The following LRRC4C variants were observed in gnomAD, a reference collection of about 807,000 sequenced individuals.
LRRC4C encodes the protein leucine rich repeat containing 4C.
LRRC4C carries 5 observed loss-of-function variants against 33.6 expected under a neutral mutation model. The ratio of observed to expected loss-of-function variants is 0.15; its 90% confidence interval spans 0.08 to 0.31. The LOEUF (loss-of-function observed/expected upper bound fraction) is 0.31. Among genes scored for constraint, LRRC4C ranks in the 10% least tolerant of loss-of-function variants. LRRC4C has a pLI of 1.00. For synonymous variants in LRRC4C, 329 were observed against 302.0 expected, an observed-to-expected ratio of 1.09 and a Z score of -0.93; for missense variants, 560 against 796.7, an observed-to-expected ratio of 0.70 and a Z score of 3.58.
At chr11:40,740,265 T>C (rs1948094019) in intron 2 of LRRC4C, among the ~76,000 whole-genome samples, 1 of 152,022 alleles carries the variant, frequency 6.6e-6, no homozygotes, top group Non-Finnish European at 1.5e-5. Flanking sequence ...GTTTTAGCAA[T>C]TTACAGTCCC....
At chr11:40,891,405 A>G (rs1955701644) in intron 2 of LRRC4C, among the ~76,000 whole-genome samples, 1 of 152,170 alleles carries the variant, frequency 6.6e-6, no homozygotes, top group African/African-American at 2.4e-5. Context: ...ACCCAAAGCA[A>G]TCTACAAATT....
rs1191132606 is a variant in LRRC4C, at chr11:40,936,015, TA to T, written c.-495-2293del. ...AAACTACTAAAAAGATGCCAAATTTTATATATATATATATATATATATATAT... is the reference window on the plus strand; with the variant it reads ...AAACTACTAAAAAGATGCCAAATTTTTATATATATATATATATATATATAT... On this transcript the variant is annotated intron_variant, in intron 1 of 6. Coordinates refer to ENST00000528697, the MANE Select transcript of LRRC4C (RefSeq NM_001258419.2). Among the ~76,000 whole-genome samples, 11 of 5,648 alleles carry T rather than the reference TA, an allele frequency of 1.9e-3. No individual in the cohort carries two copies. The South Asian group carries it at 0.035, about 18-fold the overall frequency. The allele number at this position is 5,648 out of a possible 152,430, so 3.7% of individuals were successfully genotyped here.
intron 1 of LRRC4C, among the ~76,000 whole-genome samples, chr11:41,379,820 G>C (rs1953076271): frequency 6.6e-6 from 1 of 152,084 alleles, no homozygotes; most frequent in South Asian, 2.1e-4. Context: ...CAAGATCTAT[G>C]TCTTCGTAAT....
At chr11:41,203,826 C>T (rs1946492735) in intron 1 of LRRC4C, among the ~76,000 whole-genome samples, 1 of 152,180 alleles carries the variant, frequency 6.6e-6, no homozygotes, top group African/African-American at 2.4e-5. Context: ...GAGAAGATAT[C>T]TGTATATAAA....
At chr11:40,984,282 AGAGAGG>A (rs1852764534) in intron 1 of LRRC4C, among the ~76,000 whole-genome samples, 1 of 149,232 alleles carries the variant, frequency 6.7e-6, no homozygotes, top group Non-Finnish European at 1.5e-5. Context: ...GAAGGAAGGG[AGAGAGG>A]GAGAGAGAGA....
intron 2 of LRRC4C, among the ~76,000 whole-genome samples, chr11:40,763,506 G>A (rs546782115): frequency 2.0e-5 from 3 of 152,192 alleles, no homozygotes; most frequent in African/African-American, 7.2e-5. Context: ...AAAATCATGT[G>A]AGTGATCACA....
At chr11:41,103,642 G>C (rs546704477) in intron 1 of LRRC4C, among the ~76,000 whole-genome samples, 1 of 151,914 alleles carries the variant, frequency 6.6e-6, no homozygotes, top group Non-Finnish European at 1.5e-5. Context: ...CCAAGGGATA[G>C]GCAATGCTCC....
At chr11:40,423,759 C>T (rs1950614863) in intron 3 of LRRC4C, among the ~76,000 whole-genome samples, 1 of 152,126 alleles carries the variant, frequency 6.6e-6, no homozygotes, top group East Asian at 1.9e-4. Flanking sequence ...GTTGGAACTA[C>T]ACTCATTTCC....
intron 3 of LRRC4C, among the ~76,000 whole-genome samples, chr11:40,480,555 G>A (rs1953500449): frequency 6.6e-6 from 1 of 151,538 alleles, no homozygotes; most frequent in African/African-American, 2.4e-5. Flanking sequence ...AAATAATCTG[G>A]ACACTAAACC....
chr11:40,709,437 A>G (rs1443496304), intron 2 of LRRC4C, among the ~76,000 whole-genome samples: 1 of 152,046 alleles, frequency 6.6e-6, no homozygotes, highest in Non-Finnish European at 1.5e-5. Flanking sequence ...TTGTCTGTAA[A>G]GGATTTTATT....
At chr11:41,034,881 A>C (rs1215559806) in intron 1 of LRRC4C, among the ~76,000 whole-genome samples, 1 of 149,562 alleles carries the variant, frequency 6.7e-6, no homozygotes, top group Non-Finnish European at 1.5e-5. Context: ...TGAAGCTGTC[A>C]TGTTTTATTT....
intron 2 of LRRC4C, among the ~76,000 whole-genome samples, chr11:40,667,751 CCAA>C (rs1321257971): frequency 1.3e-5 from 2 of 152,080 alleles, no homozygotes; most frequent in Non-Finnish European, 2.9e-5. Flanking sequence ...TTGAATTAGG[CCAA>C]CAACAACAAG....
intron 1 of LRRC4C, among the ~76,000 whole-genome samples, chr11:41,313,892 A>G (rs1214307742): frequency 1.3e-5 from 2 of 152,130 alleles, no homozygotes; most frequent in Non-Finnish European, 2.9e-5. Flanking sequence ...CAATCCCATT[A>G]TTAGCCAAAA....
At chr11:41,053,666 A>T (rs1185819355) in intron 1 of LRRC4C, among the ~76,000 whole-genome samples, 3 of 152,206 alleles carry the variant, frequency 2.0e-5, no homozygotes, top group Admixed American at 6.5e-5. Context: ...TTAATTGGAG[A>T]TCCCTGAAGA....
chr11:41,024,313 T>C (rs965539203), intron 1 of LRRC4C, among the ~76,000 whole-genome samples: 4 of 151,750 alleles, frequency 2.6e-5, no homozygotes, highest in African/African-American at 9.7e-5. Flanking sequence ...TGGATAATAT[T>C]TCAGGACTGA....
chr11:40,831,291 T>C (rs1952401300), intron 2 of LRRC4C, among the ~76,000 whole-genome samples: 1 of 152,114 alleles, frequency 6.6e-6, no homozygotes, highest in Non-Finnish European at 1.5e-5. Context: ...CACAGCCTTC[T>C]GGTAGGAGAA....
chr11:40,646,288 A>G (rs1942451277), intron 3 of LRRC4C, among the ~76,000 whole-genome samples: 1 of 152,222 alleles, frequency 6.6e-6, no homozygotes, highest in East Asian at 1.9e-4. Flanking sequence ...AAGAACAGAA[A>G]TGAATAGACA....
At chr11:41,313,829 T>G (rs1440239786) in intron 1 of LRRC4C, among the ~76,000 whole-genome samples, 2 of 152,182 alleles carry the variant, frequency 1.3e-5, no homozygotes, top group Admixed American at 6.5e-5. Flanking sequence ...GGCCTGCATA[T>G]AAAAGGAAGG....
intron 3 of LRRC4C, chr11:40,447,091 G>A: frequency 5.9e-6 from 1 of 170,200 alleles, no homozygotes. Context: ...TCTTCTGAGT[G>A]TCATCCAGGT....
Sources: allele counts gnomAD v4.1 joint callset (sites outside exome capture counted in the v4.1 genomes callset), GRCh38; gene constraint gnomAD v4.1.1; transcripts MANE v1.5; gene names NCBI Gene and HGNC (gene_info 2026-07-23, HGNC 2026-07-21).